Variants in WDR44 observed in about 807,000 individuals in gnomAD.
The protein encoded by WDR44 is WD repeat domain 44.
Under a neutral mutation model 65.7 loss-of-function variants are expected in WDR44, and 9 were observed. The ratio of observed to expected loss-of-function variants is 0.14; its 90% CI spans 0.08 to 0.24. The LOEUF (loss-of-function observed/expected upper bound fraction) is 0.24, where lower values mean the gene tolerates loss of function less well. Among genes scored for constraint, WDR44 ranks in the 10% least tolerant of loss-of-function variants. WDR44 has a pLI of 1.00. For synonymous variants in WDR44, 220 were observed against 235.2 expected (o/e 0.94, Z 0.59); for missense variants, 425 against 670.9 (o/e 0.63, Z 4.05).
intron 12 of WDR44, among the ~76,000 whole-genome samples, chrX:118,422,646 G>A (rs906865281): frequency 4.0e-4 from 42 of 105,067 alleles, no homozygotes; most frequent in South Asian, 4.3e-4. Context: ...AGCCAAGATC[G>A]CACCATTGCA....
chrX:118,416,710 C>T (rs1275430341), intron 12 of WDR44, among the ~76,000 whole-genome samples: 2 of 111,515 alleles, frequency 1.8e-5, no homozygotes, highest in Non-Finnish European at 3.8e-5. Flanking sequence ...TCCATTTGTT[C>T]CAAGGTATAG....
chrX:118,384,914 C>A (rs978795095), intron 2 of WDR44, among the ~76,000 whole-genome samples: 2 of 111,621 alleles, frequency 1.8e-5, no homozygotes, highest in African/African-American at 6.5e-5. Context: ...TAGGTATTTT[C>A]TTTTCGTGGC....
intron 12 of WDR44, among the ~76,000 whole-genome samples, chrX:118,426,764 T>C (rs181671436): frequency 4.6e-4 from 41 of 90,040 alleles, no homozygotes; most frequent in African/African-American, 1.5e-3. Flanking sequence ...ATTCTACCTT[T>C]AATAATTTAT....
At chrX:118,422,110 T>C (rs993509670) in intron 12 of WDR44, among the ~76,000 whole-genome samples, 6 of 111,509 alleles carry the variant, frequency 5.4e-5, no homozygotes, top group African/African-American at 1.3e-4. Context: ...TTTTTGAGAA[T>C]AGGCCAGGTG....
chrX:118,355,425 T>C (rs770883139), intron 1 of WDR44, among the ~76,000 whole-genome samples: 2 of 112,150 alleles, frequency 1.8e-5, no homozygotes, highest in East Asian at 2.8e-4. Context: ...TGCTTAGTCA[T>C]TGGATTAGTG....
chrX:118,369,177 T>C (rs182129276), intron 1 of WDR44, among the ~76,000 whole-genome samples: 78 of 111,866 alleles, frequency 7.0e-4, no homozygotes, highest in African/African-American at 2.3e-3. Flanking sequence ...TTTTTTATTT[T>C]ATTTTATTTT....
chrX:118,356,363 G>A (rs2802621), intron 1 of WDR44, among the ~76,000 whole-genome samples: 29,234 of 110,058 alleles, frequency 0.27, 3,192 homozygotes, highest in African/African-American at 0.39. Context: ...TTTCAGTGCC[G>A]TGTCAAAAAG....
At chrX:118,361,745 C>A (rs1022554560) in intron 1 of WDR44, among the ~76,000 whole-genome samples, 1 of 111,283 alleles carries the variant, frequency 9.0e-6, no homozygotes, top group Admixed American at 9.6e-5. Flanking sequence ...GAAACAGAGA[C>A]CTTGTCTCAA....
chrX:118,444,919 G>A, intron 19 of WDR44: 1 of 329,229 alleles, frequency 3.0e-6, no homozygotes, highest in Non-Finnish European at 5.9e-6. Flanking sequence ...CAACTTAATG[G>A]TTGTCAGATA....
intron 1 of WDR44, among the ~76,000 whole-genome samples, chrX:118,353,073 C>T (rs764264484): frequency 3.1e-4 from 35 of 112,256 alleles, no homozygotes; most frequent in Admixed American, 2.9e-3. Flanking sequence ...CTATGTTTCT[C>T]ATTTCTATCC....
chrX:118,347,480 C>G (rs758269519), intron 1 of WDR44, among the ~76,000 whole-genome samples: 43 of 112,178 alleles, frequency 3.8e-4, no homozygotes, highest in South Asian at 1.8e-3. Flanking sequence ...TGCTTTAAAG[C>G]GATTTCGCCG....
chrX:118,442,505 T>C (rs1025391362), intron 16 of WDR44, 60 bp from the exon 17 acceptor site: 2 of 1,082,241 alleles, frequency 1.8e-6, no homozygotes, highest in African/African-American at 1.8e-5. Context: ...CCTTTTTGGG[T>C]TGTAGCTTAG....
At chrX:118,380,026 C>T (rs1301948829) in intron 2 of WDR44, among the ~76,000 whole-genome samples, 1 of 111,291 alleles carries the variant, frequency 9.0e-6, no homozygotes, top group African/African-American at 3.3e-5. Context: ...TTACTTTACC[C>T]CGTAATTATA....
intron 1 of WDR44, among the ~76,000 whole-genome samples, chrX:118,347,874 G>A (rs754894193): frequency 1.9e-4 from 21 of 112,475 alleles, no homozygotes; most frequent in African/African-American, 6.1e-4. Context: ...TCTCCTTCAA[G>A]TTCAATATCT....
chrX:118,355,004 T>C (rs1313645409), intron 1 of WDR44, among the ~76,000 whole-genome samples: 1 of 112,531 alleles, frequency 8.9e-6, no homozygotes, highest in African/African-American at 3.2e-5. Flanking sequence ...GTGGATGAAC[T>C]TAATATCCAT....
chrX:118,364,458 T>C (rs746090202), intron 1 of WDR44, among the ~76,000 whole-genome samples: 92 of 112,324 alleles, frequency 8.2e-4, no homozygotes, highest in Non-Finnish European at 1.4e-3. Context: ...GTGTCTCTCA[T>C]TGCAATTGTT....
At chrX:118,391,540 A>T (rs2056820252) in intron 3 of WDR44, among the ~76,000 whole-genome samples, 1 of 112,290 alleles carries the variant, frequency 8.9e-6, no homozygotes, top group Admixed American at 9.5e-5. Context: ...AAGCCAGGGA[A>T]TTGAGAAAGC....
Position 118,346,701 on chromosome X carries a change from A to G in WDR44, c.77+121A>G, listed in dbSNP as rs763574823. On this transcript the variant is annotated intron_variant, in intron 1 of 19. Transcript: ENST00000254029. ...CGCCACCGCTGTTCCTCCCCGTCTC[A>G]CTGGAGGACTTCAGAACCCAGACCT... 6.0e-5 allele frequency: 33 copies of G among 551,032 alleles called. No individual in the cohort carries two copies. In the South Asian group the frequency reaches 1.1e-3, roughly 19 times the overall value. The allele number at this position is 551,032 out of a possible 1,213,427, so 45.4% of individuals were successfully genotyped here. A position where few individuals can be genotyped will look rare whatever the true frequency, so the allele number is the denominator to read the frequency against.
intron 13 of WDR44, among the ~76,000 whole-genome samples, chrX:118,435,185 T>C (rs1196214654): frequency 8.9e-6 from 1 of 112,681 alleles, no homozygotes; most frequent in Non-Finnish European, 1.9e-5. Context: ...TCACTTAATA[T>C]TTTAGGGATG....
Sources: gnomAD v4.1 joint callset for allele counts (sites outside exome capture counted in the v4.1 genomes callset) on GRCh38, gnomAD v4.1.1 for gene constraint, MANE v1.5 for transcripts, NCBI Gene and HGNC (gene_info 2026-07-23, HGNC 2026-07-21) for gene names.